MYO5B: variants seen among roughly 807,000 people sequenced by gnomAD.
The protein encoded by MYO5B is unconventional myosin-Vb.
Under a neutral mutation model 229.3 loss-of-function variants are expected in MYO5B, and 143 were observed. The observed-to-expected ratio is 0.62, with a 90% CI of 0.54 to 0.72. MYO5B has a LOEUF of 0.72. Ranked by LOEUF, MYO5B falls within the 30% of genes least tolerant of loss-of-function variation. MYO5B has a pLI of 0.00. For missense variants in MYO5B, 2,321 were observed against 2,331.0 expected (o/e 1.00, Z 0.09); for synonymous variants, 918 against 885.2 (o/e 1.04, Z -0.66).
intron 14 of MYO5B, among the ~76,000 whole-genome samples, chr18:49,941,403 C>T (rs961754025): frequency 6.6e-6 from 1 of 152,136 alleles, no homozygotes; most frequent in African/African-American, 2.4e-5. Context: ...GAGAATGCTA[C>T]CATATTTCTG....
chr18:50,055,082 T>C (rs972013250), intron 2 of MYO5B, among the ~76,000 whole-genome samples, 186 bp downstream of exon 2: 13 of 152,166 alleles, frequency 8.5e-5, no homozygotes, highest in African/African-American at 2.9e-4. Flanking sequence ...GTGACATCCA[T>C]AGAGCAGCTT....
chr18:50,097,798 G>A (rs746323455), intron 1 of MYO5B, among the ~76,000 whole-genome samples: 36 of 152,168 alleles, frequency 2.4e-4, no homozygotes, highest in Non-Finnish European at 4.1e-4. Context: ...TGAAGCAGCC[G>A]CAGGTGCCAA....
At position 49,954,392 on chromosome 18, in the gene MYO5B, T is replaced by C; in HGVS notation, c.1589A>G (p.Asp530Gly). ...TDQNWAQKLY[D>G]RHSSSQHFQK... ...GAAGTGCTGGCTGCTGGAGTGCCGG[T>C]CATAGAGCTTCTGAGCCCAGTTCTG... The change falls in exon 13 of 40, where the codon GAC (aspartate) becomes GGC (glycine). Residue 530 changes from aspartate (D) to glycine (G), a missense_variant. Coordinates refer to ENST00000285039, the MANE Select transcript of MYO5B (RefSeq NM_001080467.3). 6.2e-7 allele frequency: 1 copy of C among 1,613,844 alleles called. No individual in the cohort carries two copies. Among genetic ancestry groups the C allele is most frequent in the Non-Finnish European group, 8.5e-7 (1 of 1,179,936 alleles).
At chr18:50,164,750 C>A (rs532489310) in intron 1 of MYO5B, among the ~76,000 whole-genome samples, 1 of 152,268 alleles carries the variant, frequency 6.6e-6, no homozygotes, top group East Asian at 1.9e-4. Flanking sequence ...CCTCTTGCCA[C>A]CCCTCCAACA....
intron 1 of MYO5B, among the ~76,000 whole-genome samples, chr18:50,096,561 A>C (rs1424969693): frequency 6.6e-6 from 1 of 152,024 alleles, no homozygotes; most frequent in Non-Finnish European, 1.5e-5. Flanking sequence ...TCAAGGTCAC[A>C]CTTCTTAGTC....
intron 20 of MYO5B, among the ~76,000 whole-genome samples, chr18:49,903,448 T>C (rs2024866350): frequency 2.0e-5 from 3 of 152,192 alleles, no homozygotes; most frequent in Admixed American, 2.0e-4. Flanking sequence ...ACATCAGTGC[T>C]CACTCTTTGC....
chr18:49,942,048 C>T (rs9951043), intron 14 of MYO5B, among the ~76,000 whole-genome samples: 18,020 of 117,740 alleles, frequency 0.15, 1,975 homozygotes, highest in South Asian at 0.26. Context: ...CTACAACCAT[C>T]TGATCTTTGA....
chr18:49,997,833 T>A (rs1228501312), intron 5 of MYO5B, among the ~76,000 whole-genome samples: 1 of 152,162 alleles, frequency 6.6e-6, no homozygotes, highest in Non-Finnish European at 1.5e-5. Flanking sequence ...TGTCTGCAGC[T>A]GCTGGGCAGC....
chr18:49,933,918 C>A (rs2025221550), intron 16 of MYO5B, among the ~76,000 whole-genome samples: 1 of 152,136 alleles, frequency 6.6e-6, no homozygotes, highest in Non-Finnish European at 1.5e-5. Flanking sequence ...CTCTGTCATC[C>A]AGGCTGGAGT....
At chr18:49,997,373 T>C (rs1183480307) in intron 5 of MYO5B, among the ~76,000 whole-genome samples, 66 of 106,064 alleles carry the variant, frequency 6.2e-4, no homozygotes, top group African/African-American at 2.6e-3. Context: ...TTCTTTCTTT[T>C]TTTTTTTTTT....
rs1242133221 is a variant in MYO5B at position 49,929,545 on chromosome 18, G to A, written c.2057C>T (p.Thr686Met). ...GTAGCCAGCTGCACTGATTCGAATC[G>A]TCTCCAACACCCCGCAGGCTCTGAG... ...QQLRACGVLE[T>M]IRISAAGYPS... The change falls in exon 17 of 40, where the codon ACG becomes ATG. Residue 686 changes from threonine to methionine, a missense_variant. Physicochemically the swap from Thr to Met is moderately conservative, Grantham distance 81. Coordinates refer to ENST00000285039, the MANE Select transcript of MYO5B (RefSeq NM_001080467.3). 6 of 1,608,970 alleles carry A rather than the reference G, an allele frequency of 3.7e-6. No homozygotes were observed. Among genetic ancestry groups the A allele is most frequent in the South Asian group, 2.2e-5 (2 of 90,536 alleles).
intron 35 of MYO5B, chr18:49,839,914 G>A (rs1017569061): frequency 3.2e-5 from 5 of 156,304 alleles, no homozygotes; most frequent in Admixed American, 3.1e-4. Context: ...AGGGAAACCA[G>A]TATCTGCCAA....
At chr18:50,082,838 A>C (rs1199618650) in intron 1 of MYO5B, among the ~76,000 whole-genome samples, 1 of 152,214 alleles carries the variant, frequency 6.6e-6, no homozygotes, top group Non-Finnish European at 1.5e-5. Context: ...CTGACACCAG[A>C]TATGTGGACT....
chr18:50,026,683 T>C (rs2026334898), intron 4 of MYO5B, among the ~76,000 whole-genome samples: 1 of 152,224 alleles, frequency 6.6e-6, no homozygotes, highest in Non-Finnish European at 1.5e-5. Flanking sequence ...TACTGTGACA[T>C]GATGAGGGAT....
intron 29 of MYO5B, among the ~76,000 whole-genome samples, chr18:49,861,153 G>A (rs919281602): frequency 6.6e-6 from 1 of 152,218 alleles, no homozygotes; most frequent in Admixed American, 6.5e-5. Flanking sequence ...ACTTAACTCA[G>A]TTTCACAGGC....
At chr18:49,910,845 A>T (rs2024949642) in intron 18 of MYO5B, among the ~76,000 whole-genome samples, 1 of 152,162 alleles carries the variant, frequency 6.6e-6, no homozygotes, top group African/African-American at 2.4e-5. Flanking sequence ...AATTATTTTT[A>T]TTACCTTGTT....
chr18:49,978,135 T>A (rs1180281057), intron 9 of MYO5B, among the ~76,000 whole-genome samples: 2 of 152,194 alleles, frequency 1.3e-5, no homozygotes, highest in South Asian at 2.1e-4. Context: ...CCAGGTAGCA[T>A]CCAAACCTCA....
chr18:49,910,602 C>T (rs17728024), intron 18 of MYO5B, among the ~76,000 whole-genome samples: 10,395 of 151,366 alleles, frequency 0.069, 840 homozygotes, highest in East Asian at 0.29. Context: ...GCAAGGTGGG[C>T]TAGTATTTAG....
intron 14 of MYO5B, among the ~76,000 whole-genome samples, chr18:49,942,633 A>G (rs987188148): frequency 6.6e-6 from 1 of 152,058 alleles, no homozygotes; most frequent in Non-Finnish European, 1.5e-5. Flanking sequence ...ATCACTGGCC[A>G]TCAGAGAAAT....
Sources: allele counts gnomAD v4.1 joint callset (sites outside exome capture counted in the v4.1 genomes callset), GRCh38; gene constraint gnomAD v4.1.1; transcripts MANE v1.5; gene names NCBI Gene and HGNC (gene_info 2026-07-23, HGNC 2026-07-21).